PARD3: variants seen among roughly 807,000 people sequenced by gnomAD.
PARD3 encodes partitioning defective 3 homolog.
PARD3 carries 75 observed loss-of-function variants against 155.4 expected under a neutral mutation model. The observed-to-expected ratio is 0.48, with a 90% CI of 0.40 to 0.58. PARD3 has a LOEUF of 0.58. Among genes scored for constraint, PARD3 ranks in the 20% least tolerant of loss-of-function variants. The pLI is 0.00. For missense variants in PARD3, 1,642 were observed against 1,721.7 expected (o/e 0.95, Z 0.82); for synonymous variants, 576 against 610.5 (o/e 0.94, Z 0.83).
At chr10:34,701,806 G>A (rs2094284923) in intron 1 of PARD3, among the ~76,000 whole-genome samples, 1 of 152,138 alleles carries the variant, frequency 6.6e-6, no homozygotes, top group Non-Finnish European at 1.5e-5. Context: ...GGAGGCTAAG[G>A]TGGAGGATCT....
intron 22 of PARD3, among the ~76,000 whole-genome samples, chr10:34,187,607 G>A (rs1027195619): frequency 9.2e-5 from 14 of 152,174 alleles, no homozygotes; most frequent in African/African-American, 3.4e-4. Flanking sequence ...AACAGTTTAG[G>A]GGAGTGATGT....
chr10:34,375,302 C>G (rs1191316869), intron 10 of PARD3, among the ~76,000 whole-genome samples: 2 of 152,094 alleles, frequency 1.3e-5, no homozygotes, highest in African/African-American at 4.8e-5. Context: ...ATAAATATTT[C>G]AAAAATGTCA....
Position 34,111,265 on chromosome 10 carries a change from C to G in PARD3, c.3966G>C (p.Lys1322Asn). ...KVQDPSYAPP[K>N]GPFRQDVPPS... Reference sequence around the variant, plus strand: ...GGGGCACATCTTGCCGGAAGGGCCCCTTGGGAGGGGCGTAACTGGGGTCCT... The same window carrying G: ...GGGGCACATCTTGCCGGAAGGGCCCGTTGGGAGGGGCGTAACTGGGGTCCT... Residue 1322 changes from lysine (K) to asparagine (N), a missense_variant, in exon 25 of 25, where the codon AAG becomes AAC. Physicochemically the swap from Lys to Asn is moderately conservative, Grantham distance 94. Coordinates refer to ENST00000374788, the MANE Select transcript of PARD3 (RefSeq NM_001184785.2). 1 of 1,613,642 alleles carries G rather than the reference C, an allele frequency of 6.2e-7. No homozygotes were observed. Among genetic ancestry groups the G allele is most frequent in the South Asian group, 1.1e-5 (1 of 91,066 alleles).
intron 7 of PARD3, among the ~76,000 whole-genome samples, chr10:34,390,811 A>T (rs1181772098): frequency 6.6e-6 from 1 of 152,242 alleles, no homozygotes; most frequent in Non-Finnish European, 1.5e-5. Flanking sequence ...ATAACAAACA[A>T]TATAGTTTTT....
chr10:34,350,312 A>G (rs541025396), intron 14 of PARD3, among the ~76,000 whole-genome samples: 3 of 152,250 alleles, frequency 2.0e-5, no homozygotes, highest in Admixed American at 2.0e-4. Flanking sequence ...CAGGCCTGCT[A>G]TCACCCCCTT....
intron 5 of PARD3, among the ~76,000 whole-genome samples, chr10:34,407,358 C>G (rs1370622017): frequency 6.6e-6 from 1 of 152,052 alleles, no homozygotes; most frequent in Admixed American, 6.6e-5. Flanking sequence ...GGAGTGTGCA[C>G]CCAGCAGTCC....
chr10:34,353,210 G>A (rs1278763974), intron 14 of PARD3, among the ~76,000 whole-genome samples: 1 of 152,236 alleles, frequency 6.6e-6, no homozygotes, highest in Non-Finnish European at 1.5e-5. Flanking sequence ...ACCCCGTCCG[G>A]GAGGTGGACC....
chr10:34,332,601 T>C (rs1273610641), intron 18 of PARD3, among the ~76,000 whole-genome samples: 2 of 152,174 alleles, frequency 1.3e-5, no homozygotes, highest in Non-Finnish European at 2.9e-5. Context: ...TTTTTTAAGA[T>C]TCACTGATGT....
intron 22 of PARD3, among the ~76,000 whole-genome samples, chr10:34,252,710 G>A (rs1173449262): frequency 6.6e-6 from 1 of 151,888 alleles, no homozygotes; most frequent in Middle Eastern, 3.2e-3. Context: ...ATGTTTATGT[G>A]TGTGTATATA....
At chr10:34,725,107 G>C (rs1242256897) in intron 1 of PARD3, among the ~76,000 whole-genome samples, 3 of 32,104 alleles carry the variant, frequency 9.3e-5, no homozygotes, top group Non-Finnish European at 1.3e-4. Context: ...TCAAAACTTT[G>C]TGTGTGTGTG....
intron 4 of PARD3, among the ~76,000 whole-genome samples, chr10:34,453,755 T>C (rs374330820): frequency 4.6e-5 from 7 of 152,184 alleles, no homozygotes; most frequent in East Asian, 3.8e-4. Flanking sequence ...TCCAAATGCA[T>C]AGAAAAAACA....
chr10:34,395,052 T>A (rs1843184652), intron 7 of PARD3, among the ~76,000 whole-genome samples: 1 of 152,202 alleles, frequency 6.6e-6, no homozygotes, highest in African/African-American at 2.4e-5. Flanking sequence ...TATTTGTTTT[T>A]GAGACAGAGT....
chr10:34,776,402 TCTGA>T (rs1839529633), intron 1 of PARD3, among the ~76,000 whole-genome samples: 2 of 152,236 alleles, frequency 1.3e-5, no homozygotes, highest in East Asian at 3.9e-4. Context: ...AAGCAATTAA[TCTGA>T]CTGGCTAGGG....
chr10:34,154,702 CAGAG>C (rs1372233580), intron 22 of PARD3, among the ~76,000 whole-genome samples: 2 of 152,100 alleles, frequency 1.3e-5, no homozygotes, highest in African/African-American at 2.4e-5. Context: ...GAGAGAGAGA[CAGAG>C]AGATTTATTT....
intron 2 of PARD3, among the ~76,000 whole-genome samples, chr10:34,571,911 A>C (rs1001447499): frequency 1.3e-5 from 2 of 152,234 alleles, no homozygotes; most frequent in Non-Finnish European, 2.9e-5. Context: ...AAGCAAAAAT[A>C]ATGTTGGACT....
chr10:34,374,768 G>T, intron 11 of PARD3, 106 bp downstream of exon 11: 1 of 1,059,284 alleles, frequency 9.4e-7, no homozygotes, highest in East Asian at 2.4e-5. Context: ...ATAAGATCTA[G>T]AAACTCCTCA....
At chr10:34,402,582 T>C (rs962210922) in intron 5 of PARD3, among the ~76,000 whole-genome samples, 9 of 152,202 alleles carry the variant, frequency 5.9e-5, no homozygotes, top group Non-Finnish European at 1.3e-4. Context: ...TTTACTTCTG[T>C]GCATGAAGGA....
At chr10:34,267,302 T>C (rs1178086166) in intron 22 of PARD3, among the ~76,000 whole-genome samples, 1 of 152,196 alleles carries the variant, frequency 6.6e-6, no homozygotes, top group Non-Finnish European at 1.5e-5. Flanking sequence ...GAAAATGTCA[T>C]TGTCACTGAT....
At chr10:34,521,504 A>C (rs74132040) in intron 2 of PARD3, among the ~76,000 whole-genome samples, 2,412 of 152,348 alleles carry the variant, frequency 0.016, 65 homozygotes, top group African/African-American at 0.055. Flanking sequence ...AACAGATGGA[A>C]TCTTCACTGC....
Sources: allele counts gnomAD v4.1 joint callset (sites outside exome capture counted in the v4.1 genomes callset), GRCh38; gene constraint gnomAD v4.1.1; transcripts MANE v1.5; gene names NCBI Gene and HGNC (gene_info 2026-07-23, HGNC 2026-07-21).